The following CUX1 variants were observed in gnomAD, a reference collection of about 807,000 sequenced individuals.
CUX1 encodes the protein protein CASP.
Under a neutral mutation model 158.8 loss-of-function variants are expected in CUX1, and 31 were observed. The observed-to-expected ratio is 0.20, with a 90% confidence interval of 0.15 to 0.26. CUX1 has a LOEUF of 0.26. CUX1 is among the 10% of genes least tolerant of loss of function. The pLI is 1.00. For synonymous variants in CUX1, 879 were observed against 862.1 expected, an observed-to-expected ratio of 1.02 and a Z score of -0.34; for missense variants, 1,589 against 2,014.6, an observed-to-expected ratio of 0.79 and a Z score of 4.04.
intron 2 of CUX1, among the ~76,000 whole-genome samples, chr7:101,981,455 C>T (rs1335690607): frequency 6.6e-6 from 1 of 152,062 alleles, no homozygotes; most frequent in Admixed American, 6.5e-5. Flanking sequence ...GTGGAATAGC[C>T]AATTGGTGGC....
At chr7:102,044,492 C>T (rs1170618044) in intron 3 of CUX1, among the ~76,000 whole-genome samples, 1 of 152,128 alleles carries the variant, frequency 6.6e-6, no homozygotes, top group Non-Finnish European at 1.5e-5. Flanking sequence ...GCCCGGCCAC[C>T]TTAGCCCATT....
At chr7:102,100,158 A>G (rs1554485912) in intron 5 of CUX1, among the ~76,000 whole-genome samples, 1 of 152,030 alleles carries the variant, frequency 6.6e-6, no homozygotes, top group African/African-American at 2.4e-5. Context: ...CACGCCTGTA[A>G]TCCCAGCTAC....
intron 3 of CUX1, among the ~76,000 whole-genome samples, chr7:102,058,142 A>G (rs1237279263): frequency 1.3e-5 from 2 of 152,216 alleles, no homozygotes; most frequent in Admixed American, 1.3e-4. Context: ...TTTAATTAAG[A>G]TATGTACATT....
At chr7:102,107,684 T>C (rs1830503737) in intron 6 of CUX1, among the ~76,000 whole-genome samples, 1 of 152,242 alleles carries the variant, frequency 6.6e-6, no homozygotes, top group Non-Finnish European at 1.5e-5. Flanking sequence ...ACCATCTCTT[T>C]TCATAGAGGG....
intron 2 of CUX1, among the ~76,000 whole-genome samples, chr7:101,931,922 G>A (rs1316338418): frequency 6.6e-6 from 1 of 152,144 alleles, no homozygotes; most frequent in African/African-American, 2.4e-5. Flanking sequence ...GATTTGGAGA[G>A]GCTTTAGAAG....
At chr7:101,971,647 A>G (rs1420193659) in intron 2 of CUX1, among the ~76,000 whole-genome samples, 1 of 152,240 alleles carries the variant, frequency 6.6e-6, no homozygotes, top group African/African-American at 2.4e-5. Context: ...CAGATAAGTC[A>G]TGTGACTTAC....
chr7:102,128,659 G>T (rs547390043), intron 8 of CUX1, among the ~76,000 whole-genome samples: 1 of 151,808 alleles, frequency 6.6e-6, no homozygotes, highest in East Asian at 1.9e-4. Context: ...AGGGCAGGAG[G>T]TTTCCTTACT....
In CUX1 at chr7:102,250,538, A is replaced by G. The variant is rs1057201602; in HGVS notation, c.*1496A>G. ...CTCGTGGGAAACTTCCTTTCTCTGC[A>G]GGAGAGAGAACGTGGCATTCTGGGC... is the stretch of plus-strand genomic sequence containing the variant. On this transcript the variant is annotated 3_prime_UTR_variant, in exon 24 of 24. Coordinates refer to ENST00000292535, the MANE Select transcript of CUX1 (RefSeq NM_181552.4). 1.0e-6 allele frequency: 1 copy of G among 985,276 alleles called. No homozygotes were observed. The highest frequency in any genetic ancestry group is 6.2e-5 in the Admixed American group (1 of 16,254). The allele number at this position is 985,276 out of a possible 1,614,324, so 61.0% of individuals were successfully genotyped here.
At chr7:101,981,591 A>G (rs1489172804) in intron 2 of CUX1, among the ~76,000 whole-genome samples, 1 of 152,092 alleles carries the variant, frequency 6.6e-6, no homozygotes, top group Non-Finnish European at 1.5e-5. Flanking sequence ...GTGAATGCAA[A>G]TGTCAGAGGC....
At chr7:102,128,973 C>CAA (rs576369628) in intron 8 of CUX1, among the ~76,000 whole-genome samples, 1 of 146,582 alleles carries the variant, frequency 6.8e-6, no homozygotes. Context: ...GACTCTGTTT[C>CAA]AAAAAAAAAA....
At chr7:101,970,717 G>A (rs565260614) in intron 2 of CUX1, among the ~76,000 whole-genome samples, 4 of 152,084 alleles carry the variant, frequency 2.6e-5, no homozygotes, top group African/African-American at 7.2e-5. Flanking sequence ...GACCATACCC[G>A]GCTGATTTTT....
At chr7:102,062,336 C>T (rs1025091068) in intron 3 of CUX1, among the ~76,000 whole-genome samples, 1 of 152,110 alleles carries the variant, frequency 6.6e-6, no homozygotes, top group Non-Finnish European at 1.5e-5. Flanking sequence ...CTCCGGGAAC[C>T]CACAGCACAG....
intron 18 of CUX1, among the ~76,000 whole-genome samples, chr7:102,278,795 C>T (rs1791821533): frequency 6.6e-6 from 1 of 151,890 alleles, no homozygotes; most frequent in South Asian, 2.1e-4. Flanking sequence ...GTGGCTCATG[C>T]CTGTAATCCC....
chr7:101,902,475 G>C (rs1461175821), intron 1 of CUX1, among the ~76,000 whole-genome samples: 4 of 152,162 alleles, frequency 2.6e-5, no homozygotes, highest in African/African-American at 9.7e-5. Context: ...GGAATGGAGG[G>C]AACAAATTTT....
At position 102,252,949 on chromosome 7, in the gene CUX1, T is replaced by C. The variant is rs1554540707; in HGVS notation, c.*3907T>C. 2 of 985,424 alleles carry C rather than the reference T, an allele frequency of 2.0e-6. No individual in the cohort carries two copies. Among genetic ancestry groups the C allele is most frequent in the Non-Finnish European group, 2.4e-6 (2 of 829,938 alleles). The allele number at this position is 985,424 out of a possible 1,614,324, so 61.0% of individuals were successfully genotyped here. A position where few individuals can be genotyped will look rare whatever the true frequency, so the allele number is the denominator to read the frequency against. On this transcript the variant is annotated 3_prime_UTR_variant, in exon 24 of 24. Transcript: ENST00000292535. Reference sequence around the variant, plus strand: ...ATTGGGGTGACAGCCCAGGGATGCATGCATGGGAGAACTCTCTGAGAAATG... The same window carrying C: ...ATTGGGGTGACAGCCCAGGGATGCACGCATGGGAGAACTCTCTGAGAAATG...
intron 2 of CUX1, among the ~76,000 whole-genome samples, chr7:102,020,941 A>AG (rs1274185805): frequency 6.6e-6 from 1 of 152,070 alleles, no homozygotes; most frequent in Non-Finnish European, 1.5e-5. Context: ...GGGAGAGGCA[A>AG]GAGCGGAGAA....
intron 2 of CUX1, among the ~76,000 whole-genome samples, chr7:101,976,486 G>A (rs1164733682): frequency 1.3e-5 from 2 of 152,158 alleles, no homozygotes; most frequent in Non-Finnish European, 2.9e-5. Context: ...CCAGACGGGG[G>A]CAGGAGTTTG....
chr7:102,216,602 A>ACACACACT (rs1563425248), intron 20 of CUX1, among the ~76,000 whole-genome samples: 1 of 29,402 alleles, frequency 3.4e-5, no homozygotes, highest in Admixed American at 5.1e-4. Flanking sequence ...ACACTCCCAC[A>ACACACACT]CACACACACA....
intron 21 of CUX1, among the ~76,000 whole-genome samples, chr7:102,230,970 C>T (rs1182852496): frequency 6.6e-6 from 1 of 151,872 alleles, no homozygotes; most frequent in Non-Finnish European, 1.5e-5. Context: ...AAGCAATCCT[C>T]CCACCTCAGC....
Sources: allele counts gnomAD v4.1 joint callset (sites outside exome capture counted in the v4.1 genomes callset), GRCh38; gene constraint gnomAD v4.1.1; transcripts MANE v1.5; gene names NCBI Gene and HGNC (gene_info 2026-07-23, HGNC 2026-07-21).